CSNK1D: variants seen among roughly 807,000 people sequenced by gnomAD.
CSNK1D encodes casein kinase 1 delta.
A neutral mutation model predicts 46.6 loss-of-function variants in CSNK1D; 16 were observed. That is an observed-to-expected ratio of 0.34 (90% CI 0.23 to 0.52). CSNK1D has a LOEUF of 0.52. Among genes scored for constraint, CSNK1D ranks in the 20% least tolerant of loss-of-function variants. The pLI, the probability that CSNK1D is intolerant of heterozygous loss-of-function variation, is 0.95. For missense variants in CSNK1D, 398 were observed against 578.4 expected (o/e 0.69, Z 3.20); for synonymous variants, 276 against 228.2 (o/e 1.21, Z -1.89).
intron 2 of CSNK1D, 86 bp downstream of exon 2, chr17:82,265,600 G>T: frequency 1.9e-6 from 2 of 1,075,450 alleles, no homozygotes; most frequent in Non-Finnish European, 2.9e-6. Context: ...ACCAGTTTTG[G>T]GTTTATTTTA....
rs1195159020 is a variant in CSNK1D at position 82,252,858 on chromosome 17, C to T, written c.565+158G>A. Among the ~76,000 whole-genome samples, 1 of 152,240 alleles carries T rather than the reference C, an allele frequency of 6.6e-6. No individual in the cohort carries two copies. Among genetic ancestry groups the T allele is most frequent in the Non-Finnish European group, 1.5e-5 (1 of 68,052 alleles). On this transcript the variant is annotated intron_variant, in intron 4 of 8. Transcript: ENST00000314028. This position sits in a 1 kb window ranked among gnomAD's most constrained non-coding sequence, Gnocchi z 4.6. ...CAGAAATGTCCCAGCATCCGCCTGC[C>T]CCCATACACCTGGCAGTCACGAGCC...
Position 82,248,510 on chromosome 17 carries a change from T to G in CSNK1D, c.1197+365A>C, listed in dbSNP as rs886455693. The G allele has an allele frequency of 2.0e-5, 22 of 1,111,266 alleles. No homozygotes were observed. The African/African-American group carries it at 3.4e-4, about 17-fold the overall frequency. 68.8% of individuals were successfully genotyped at this position (1,111,266 alleles called of 1,614,324 possible). ...ATGAGGAAGAATGAGGAAGGCTCCC[T>G]CGGGCTGGGGGCACCCACAATGGGG... On this transcript the variant is annotated intron_variant, in intron 8 of 8. Transcript: ENST00000314028. This position sits in a 1 kb window ranked among gnomAD's most constrained non-coding sequence, Gnocchi z 4.1.
rs1287932892 is a variant in CSNK1D at position 82,273,418 on chromosome 17, C to T, written c.-37G>A. The T allele has an allele frequency of 1.2e-6, 2 of 1,608,564 alleles. No individual in the cohort carries two copies. Among genetic ancestry groups the T allele is most frequent in the Non-Finnish European group, 1.7e-6 (2 of 1,178,568 alleles). On this transcript the variant is annotated 5_prime_UTR_variant, in exon 1 of 9. Transcript: ENST00000314028. The surrounding 1 kb of genome is among the most constrained non-coding windows in gnomAD (Gnocchi z 5.1). ...CCCGATTCGCTCCTGCCCTCCCGGC[C>T]GCTTCCTGGGTCTGAACTCTGGGAG... is the stretch of plus-strand genomic sequence containing the variant.
rs2050905363 is a variant in CSNK1D, at chr17:82,248,406, C to T, written c.1197+469G>A. ...CGTCAAAAGAAGGAAAGCCTCGTTG[C>T]AGGGCATGCCACCAGGGAGGGTCTC... On this transcript the variant is annotated intron_variant, in intron 8 of 8. Coordinates refer to ENST00000314028, the MANE Select transcript of CSNK1D (RefSeq NM_001893.6). The surrounding 1 kb of genome is among the most constrained non-coding windows in gnomAD (Gnocchi z 4.1). 1 of 1,007,470 alleles carries T rather than the reference C, an allele frequency of 9.9e-7. No individual in the cohort carries two copies. Among genetic ancestry groups the T allele is most frequent in the Non-Finnish European group, 1.2e-6 (1 of 841,912 alleles). The allele number at this position is 1,007,470 out of a possible 1,614,324, so 62.4% of individuals were successfully genotyped here. A position where few individuals can be genotyped will look rare whatever the true frequency, so the allele number is the denominator to read the frequency against.
chr17:82,262,892 A>G (rs2051376081), intron 2 of CSNK1D, among the ~76,000 whole-genome samples: 1 of 152,214 alleles, frequency 6.6e-6, no homozygotes, highest in South Asian at 2.1e-4. Flanking sequence ...AGATCTTTAC[A>G]GTATCTGACG....
At chr17:82,264,766 C>T (rs1401489369) in intron 2 of CSNK1D, among the ~76,000 whole-genome samples, 2 of 151,460 alleles carry the variant, frequency 1.3e-5, no homozygotes, top group African/African-American at 4.9e-5. Context: ...CACGACACCA[C>T]GGGGAGCATG....
intron 1 of CSNK1D, among the ~76,000 whole-genome samples, chr17:82,270,084 C>A (rs941081509): frequency 6.6e-6 from 1 of 152,260 alleles, no homozygotes; most frequent in Non-Finnish European, 1.5e-5. Flanking sequence ...CCAACCTGCC[C>A]TCCTGAAGGG....
chr17:82,270,985 C>T (rs1026053102), intron 1 of CSNK1D, among the ~76,000 whole-genome samples: 3 of 152,218 alleles, frequency 2.0e-5, no homozygotes, highest in African/African-American at 7.2e-5. Context: ...TTGGTGACAA[C>T]CACACCAAAA....
chr17:82,239,086 CTG>C, downstream of CSNK1D: 1 of 1,104,162 alleles, frequency 9.1e-7, no homozygotes, highest in East Asian at 2.6e-5. Flanking sequence ...TGGGCTCCAG[CTG>C]CCGGCCCAGC....
intron 2 of CSNK1D, among the ~76,000 whole-genome samples, chr17:82,257,218 T>C (rs1369434994): frequency 1.3e-5 from 2 of 152,084 alleles, no homozygotes; most frequent in African/African-American, 4.8e-5. Flanking sequence ...TTCCTATTCA[T>C]AGTAGTTCTT....
At chr17:82,271,627 G>A (rs541108802) in intron 1 of CSNK1D, among the ~76,000 whole-genome samples, 1 of 152,348 alleles carries the variant, frequency 6.6e-6, no homozygotes, top group Non-Finnish European at 1.5e-5. Context: ...CATATGTACA[G>A]GTTCAAAAGC....
chr17:82,263,787 C>T (rs2051398983), intron 2 of CSNK1D, among the ~76,000 whole-genome samples: 1 of 152,280 alleles, frequency 6.6e-6, no homozygotes, highest in Non-Finnish European at 1.5e-5. Context: ...CAAGGCCACA[C>T]CCCGCACCAC....
chr17:82,251,686 G>C lies in CSNK1D; in HGVS notation c.737-159C>G. Reference sequence around the variant, plus strand: ...TTCTAAGACCTGAAGCCTTGAGAAAGCATCGAAAAGTATTCAAGTCACGGC... The same window carrying C: ...TTCTAAGACCTGAAGCCTTGAGAAACCATCGAAAAGTATTCAAGTCACGGC... On this transcript the variant is annotated intron_variant, in intron 5 of 8. Transcript: ENST00000314028. The surrounding 1 kb of genome is among the most constrained non-coding windows in gnomAD (Gnocchi z 4.5). The C allele has an allele frequency of 1.2e-6, 1 of 815,026 alleles. No homozygotes were observed. Among genetic ancestry groups the C allele is most frequent in the Non-Finnish European group, 2.0e-6 (1 of 487,900 alleles). 50.5% of individuals were successfully genotyped at this position (815,026 alleles called of 1,614,324 possible).
rs2050792459 is a variant in CSNK1D at position 82,244,158 on chromosome 17, CT to C, written c.*622del. On this transcript the variant is annotated 3_prime_UTR_variant, in exon 9 of 9. Coordinates refer to ENST00000314028, the MANE Select transcript of CSNK1D (RefSeq NM_001893.6). ...CACGGGCACACACACACACCACGGA[CT>C]TTTGATGAGAAATCTCCTCTCCAAA... is the stretch of plus-strand genomic sequence containing the variant. The C allele has an allele frequency of 3.0e-6, 3 of 1,007,434 alleles. No homozygotes were observed. The African/African-American group carries it at 5.2e-5, about 17-fold the overall frequency. The allele number at this position is 1,007,434 out of a possible 1,614,324, so 62.4% of individuals were successfully genotyped here.
In CSNK1D at chr17:82,242,697, T is replaced by C; in HGVS notation, c.*2084A>G. On this transcript the variant is annotated 3_prime_UTR_variant, in exon 9 of 9. Transcript: ENST00000314028. ...TAGAAGTCATTATGAATTTATTATT[T>C]ACACGATTGTTAAAGTACACAAATA... is the stretch of plus-strand genomic sequence containing the variant. 1 of 985,434 alleles carries C rather than the reference T, an allele frequency of 1.0e-6. No homozygotes were observed. The highest frequency in any genetic ancestry group is 1.2e-6 in the Non-Finnish European group (1 of 829,902). 61.0% of individuals were successfully genotyped at this position (985,434 alleles called of 1,614,324 possible).
At chr17:82,263,635 G>A (rs537947813) in intron 2 of CSNK1D, among the ~76,000 whole-genome samples, 1 of 152,200 alleles carries the variant, frequency 6.6e-6, no homozygotes, top group Non-Finnish European at 1.5e-5. Context: ...TGACCATCCC[G>A]GGCTTCTAAG....
At chr17:82,267,542 G>C (rs962693701) in intron 1 of CSNK1D, among the ~76,000 whole-genome samples, 2 of 152,186 alleles carry the variant, frequency 1.3e-5, no homozygotes, top group African/African-American at 4.8e-5. Flanking sequence ...CTAGATTTAA[G>C]AACGTCACTT....
At chr17:82,247,500 C>G in intron 8 of CSNK1D, 4 of 985,502 alleles carry the variant, frequency 4.1e-6, no homozygotes, top group Non-Finnish European at 4.8e-6. Context: ...AGCGCTGGGG[C>G]GAGGCTGTCC....
At chr17:82,262,677 C>G (rs914389678) in intron 2 of CSNK1D, among the ~76,000 whole-genome samples, 1 of 152,180 alleles carries the variant, frequency 6.6e-6, no homozygotes, top group African/African-American at 2.4e-5. Context: ...ACAGGACAAT[C>G]TGCACAAGGG....
Sources: gnomAD v4.1 joint callset for allele counts (sites outside exome capture counted in the v4.1 genomes callset) on GRCh38, gnomAD v4.1.1 for gene constraint, Gnocchi (gnomAD v3.1) non-coding constraint, MANE v1.5 for transcripts, NCBI Gene and HGNC (gene_info 2026-07-23, HGNC 2026-07-21) for gene names.